STK32B: variants seen among roughly 807,000 people sequenced by gnomAD.
STK32B encodes the protein serine/threonine kinase 32B.
A neutral mutation model predicts 52.6 loss-of-function variants in STK32B; 43 were observed. The ratio of observed to expected loss-of-function variants is 0.82; its 90% CI spans 0.64 to 1.05. The LOEUF is 1.05. Ranked by LOEUF, STK32B falls within the 50% of genes least tolerant of loss-of-function variation. The probability of loss-of-function intolerance (pLI) is 0.00; values close to 1 mark genes in which losing one functional copy is unlikely to be tolerated. For synonymous variants in STK32B, 238 were observed against 204.3 expected (o/e 1.17, Z -1.41); for missense variants, 621 against 534.6 (o/e 1.16, Z -1.59).
chr4:5,416,067 A>G (rs1712136663), intron 5 of STK32B, among the ~76,000 whole-genome samples: 1 of 152,162 alleles, frequency 6.6e-6, no homozygotes, highest in African/African-American at 2.4e-5. Flanking sequence ...AGTTATAACT[A>G]TTATCCAAGG....
In STK32B at chr4:5,273,996, A is replaced by G. The variant is rs182035186; in HGVS notation, c.261-57224A>G. 3.1e-3 allele frequency among the ~76,000 whole-genome samples: 478 copies of G among 152,098 alleles called. 4 individuals are homozygous for G. The highest frequency in any genetic ancestry group is 0.011 in the African/African-American group (446 of 41,536). On this transcript the variant is annotated intron_variant, in intron 3 of 11. Coordinates refer to ENST00000282908, the MANE Select transcript of STK32B (RefSeq NM_018401.3). The stretch of plus-strand genomic sequence containing the variant: ...CCCTAAAACTTAAAGTATAATAAAA[A>G]AAAAGAAACAAAAAAACAAAACAAA...
At chr4:5,057,815 A>G (rs1742065676) in intron 1 of STK32B, among the ~76,000 whole-genome samples, 1 of 152,232 alleles carries the variant, frequency 6.6e-6, no homozygotes, top group African/African-American at 2.4e-5. Flanking sequence ...GCAGACTGAG[A>G]TGAAGAAACT....
intron 5 of STK32B, among the ~76,000 whole-genome samples, chr4:5,401,865 C>T (rs946361183): frequency 1.3e-5 from 2 of 152,226 alleles, no homozygotes; most frequent in African/African-American, 4.8e-5. Context: ...TTGAGGGACT[C>T]TAGGCTGGGC....
intron 4 of STK32B, among the ~76,000 whole-genome samples, chr4:5,352,925 A>T (rs1032714859): frequency 3.3e-5 from 5 of 152,148 alleles, no homozygotes; most frequent in African/African-American, 1.2e-4. Context: ...ATTCATAGGG[A>T]ACCACAAAAG....
intron 4 of STK32B, among the ~76,000 whole-genome samples, chr4:5,392,540 A>T (rs926742083): frequency 4.0e-5 from 6 of 151,888 alleles, no homozygotes; most frequent in Non-Finnish European, 7.4e-5. Context: ...TTCCTAATTT[A>T]TTTTTTTTCA....
chr4:5,442,182 C>G (rs1479107120), intron 6 of STK32B, among the ~76,000 whole-genome samples: 1 of 133,238 alleles, frequency 7.5e-6, no homozygotes, highest in African/African-American at 2.7e-5. Context: ...TCTCGTTGAT[C>G]TGTCTAATGT....
chr4:5,350,122 G>T (rs373626978), intron 4 of STK32B, among the ~76,000 whole-genome samples: 2 of 152,088 alleles, frequency 1.3e-5, no homozygotes, highest in Admixed American at 1.3e-4. Context: ...GAAGTTCAAA[G>T]GTCCTGGCAT....
At chr4:5,141,371 G>A (rs780394738) in intron 2 of STK32B, among the ~76,000 whole-genome samples, 23 of 152,322 alleles carry the variant, frequency 1.5e-4, no homozygotes, top group Non-Finnish European at 2.9e-4. Flanking sequence ...CAAATCCCAC[G>A]GAAGGGAGTG....
chr4:5,158,072 T>C (rs1172285183), intron 2 of STK32B, among the ~76,000 whole-genome samples: 1 of 152,174 alleles, frequency 6.6e-6, no homozygotes, highest in Non-Finnish European at 1.5e-5. Context: ...GAGCTAAATA[T>C]CACAGGAAAT....
Position 5,051,810 on chromosome 4 carries a change from C to T in STK32B, c.-54C>T, listed in dbSNP as rs572953142. The stretch of plus-strand genomic sequence containing the variant: ...CGCATCTCTGCGCGCGTCCCACATC[C>T]CGCATCCGGCATCCCAGCGGCCGGG... On this transcript the variant is annotated 5_prime_UTR_variant, in exon 1 of 12. Coordinates refer to ENST00000282908, the MANE Select transcript of STK32B (RefSeq NM_018401.3). 1 of 1,560,988 alleles carries T rather than the reference C, an allele frequency of 6.4e-7. No individual in the cohort carries two copies. Among genetic ancestry groups the T allele is most frequent in the Non-Finnish European group, 8.7e-7 (1 of 1,153,288 alleles).
intron 9 of STK32B, among the ~76,000 whole-genome samples, chr4:5,463,478 T>A (rs1415186178): frequency 1.1e-4 from 16 of 151,648 alleles, no homozygotes; most frequent in African/African-American, 3.9e-4. Context: ...ACTCACACAC[T>A]CAGTCACACT....
rs192339096 is a variant in STK32B, at chr4:5,359,258, A to G, written c.434+27865A>G. On this transcript the variant is annotated intron_variant, in intron 4 of 11. Transcript: ENST00000282908. Reference sequence around the variant, plus strand: ...CATGGAACTTGCTGTTCTATTCCTCATGCTCAACCTGACAGCTTGTGCAGT... The same window carrying G: ...CATGGAACTTGCTGTTCTATTCCTCGTGCTCAACCTGACAGCTTGTGCAGT... Among the ~76,000 whole-genome samples, 304 of 152,258 alleles carry G rather than the reference A, an allele frequency of 2.0e-3. 3 individuals are homozygous for G. Among genetic ancestry groups the G allele is most frequent in the African/African-American group, 7.0e-3 (289 of 41,544 alleles).
At chr4:5,263,217 G>A (rs923314465) in intron 3 of STK32B, among the ~76,000 whole-genome samples, 1 of 134,170 alleles carries the variant, frequency 7.5e-6, no homozygotes, top group African/African-American at 3.0e-5. Flanking sequence ...GACAGCCCAC[G>A]TGTATCAATG....
intron 3 of STK32B, among the ~76,000 whole-genome samples, chr4:5,239,185 G>C (rs1245937336): frequency 6.6e-6 from 1 of 152,156 alleles, no homozygotes; most frequent in African/African-American, 2.4e-5. Flanking sequence ...AGGAGACAGA[G>C]AGAGGTGAGC....
chr4:5,368,470 A>G (rs1735018659), intron 4 of STK32B, among the ~76,000 whole-genome samples: 1 of 151,810 alleles, frequency 6.6e-6, no homozygotes, highest in Admixed American at 6.5e-5. Flanking sequence ...CTAATTATAA[A>G]TGATAAGGGC....
intron 11 of STK32B, among the ~76,000 whole-genome samples, chr4:5,481,977 G>T (rs181506344): frequency 0.01 from 1,563 of 152,280 alleles, 20 homozygotes; most frequent in African/African-American, 0.035. Flanking sequence ...ATGCTGTTTT[G>T]GTTACTGTAG....
rs77373206 is a variant in STK32B, at chr4:5,371,320, G to A, written c.435-26887G>A. Among the ~76,000 whole-genome samples the A allele has an allele frequency of 9.0e-3, 1,370 of 152,238 alleles. 46 individuals carry two copies. The East Asian group carries it at 0.11, about 12-fold the overall frequency. ...CAGGCCAAGGGCTTATACATCAAAG[G>A]TAGGGGAGGAGGAATTGGATCAGAT... On this transcript the variant is annotated intron_variant, in intron 4 of 11. Transcript: ENST00000282908.
chr4:5,171,692 T>G (rs146347530), intron 3 of STK32B, among the ~76,000 whole-genome samples: 3,172 of 119,366 alleles, frequency 0.027, 247 homozygotes, highest in East Asian at 0.11. Flanking sequence ...CCAGTTGCAT[T>G]CTGTCTTGGT....
intron 3 of STK32B, among the ~76,000 whole-genome samples, chr4:5,259,919 C>T (rs563702003): frequency 6.6e-6 from 1 of 152,070 alleles, no homozygotes; most frequent in East Asian, 1.9e-4. Context: ...CTGAACAAGA[C>T]CTGGGGGTGT....
Sources: gnomAD v4.1 joint callset for allele counts (sites outside exome capture counted in the v4.1 genomes callset) on GRCh38, gnomAD v4.1.1 for gene constraint, MANE v1.5 for transcripts, NCBI Gene and HGNC (gene_info 2026-07-23, HGNC 2026-07-21) for gene names.